Variants in SLC2A12 observed in about 807,000 individuals in gnomAD.
SLC2A12 encodes the protein solute carrier family 2, facilitated glucose transporter member 12.
A neutral mutation model predicts 41.8 loss-of-function variants in SLC2A12; 23 were observed. That is an observed-to-expected ratio of 0.55 (90% CI 0.40 to 0.78). The LOEUF (loss-of-function observed/expected upper bound fraction) is 0.78, where lower values mean the gene tolerates loss of function less well. Among genes scored for constraint, SLC2A12 ranks in the 30% least tolerant of loss-of-function variants. SLC2A12 has a pLI of 0.00. For synonymous variants in SLC2A12, 295 were observed against 285.9 expected (o/e 1.03, Z -0.32); for missense variants, 654 against 745.6 (o/e 0.88, Z 1.43).
rs936216812 is a variant in SLC2A12 at position 133,988,392 on chromosome 6, T to C, written c.*2763A>G. The C allele has an allele frequency of 3.3e-5, 5 of 152,138 alleles. No homozygotes were observed. Among genetic ancestry groups the C allele is most frequent in the Admixed American group, 3.3e-4 (5 of 15,268 alleles). The allele number at this position is 152,138 out of a possible 1,614,324, so 9.4% of individuals were successfully genotyped here. A position where few individuals can be genotyped will look rare whatever the true frequency, so the allele number is the denominator to read the frequency against. ...GATTATACCTAGAAATAAAGCTGAG[T>C]GGAGAGTCCAATTAGCTTCTCAGGA... On this transcript the variant is annotated 3_prime_UTR_variant, in exon 5 of 5. Transcript: ENST00000275230.
At chr6:134,001,967 T>C in intron 4 of SLC2A12, 30 bp downstream of exon 4, 4 of 1,596,540 alleles carry the variant, frequency 2.5e-6, no homozygotes, top group Non-Finnish European at 3.4e-6. Context: ...CAAAGAGTAT[T>C]GTTCAGAAAC....
At chr6:134,051,592 C>G (rs57089909) in intron 1 of SLC2A12, among the ~76,000 whole-genome samples, 13,361 of 152,192 alleles carry the variant, frequency 0.088, 1,234 homozygotes, top group African/African-American at 0.23. Context: ...ACTAAATGAG[C>G]AGGAAGAGGC....
intron 2 of SLC2A12, among the ~76,000 whole-genome samples, chr6:134,008,305 T>C (rs1776839202): frequency 6.6e-6 from 1 of 152,212 alleles, no homozygotes; most frequent in East Asian, 1.9e-4. Flanking sequence ...TTTGCTGCTT[T>C]AAAAGAAGAA....
chr6:134,017,940 A>C (rs1235951944), intron 2 of SLC2A12, among the ~76,000 whole-genome samples: 1 of 151,640 alleles, frequency 6.6e-6, no homozygotes, highest in African/African-American at 2.4e-5. Flanking sequence ...CCAAAGCTTC[A>C]TGATTCTCTG....
At chr6:134,030,424 T>C (rs560715386) in intron 1 of SLC2A12, among the ~76,000 whole-genome samples, 1 of 152,124 alleles carries the variant, frequency 6.6e-6, no homozygotes, top group East Asian at 1.9e-4. Context: ...TCATTCTGAG[T>C]AAGGAGAAAG....
chr6:133,990,904 T>C lies in SLC2A12; in HGVS notation c.*251A>G. On this transcript the variant is annotated 3_prime_UTR_variant, in exon 5 of 5. Transcript: ENST00000275230. Reference sequence around the variant, plus strand: ...AGGTAGAAAGTATTAAACCAGCCAGTAACTTTTTTTTTTTAACCTGATATC... The same window carrying C: ...AGGTAGAAAGTATTAAACCAGCCAGCAACTTTTTTTTTTTAACCTGATATC... 1 of 379,714 alleles carries C rather than the reference T, an allele frequency of 2.6e-6. No individual in the cohort carries two copies. The highest frequency in any genetic ancestry group is 4.7e-6 in the Non-Finnish European group (1 of 214,556). 23.5% of individuals were successfully genotyped at this position (379,714 alleles called of 1,614,324 possible).
chr6:134,021,391 A>G (rs941966423), intron 2 of SLC2A12, among the ~76,000 whole-genome samples: 11 of 152,244 alleles, frequency 7.2e-5, no homozygotes, highest in African/African-American at 2.7e-4. Context: ...AAGAAAAAAT[A>G]TGAGATGTTT....
intron 1 of SLC2A12, among the ~76,000 whole-genome samples, chr6:134,036,270 G>C (rs1311301057): frequency 2.0e-5 from 3 of 151,476 alleles, no homozygotes; most frequent in Non-Finnish European, 4.4e-5. Context: ...TTCATATTTT[G>C]TTCAAGAAAA....
At chr6:134,002,602 G>A (rs71576339) in intron 3 of SLC2A12, among the ~76,000 whole-genome samples, 4,545 of 152,112 alleles carry the variant, frequency 0.03, 78 homozygotes, top group Non-Finnish European at 0.045. Flanking sequence ...ATTCCCAATG[G>A]TGGACATTTT....
At chr6:134,049,054 TACTC>T (rs1437515647) in intron 1 of SLC2A12, among the ~76,000 whole-genome samples, 1 of 152,202 alleles carries the variant, frequency 6.6e-6, no homozygotes, top group African/African-American at 2.4e-5. Context: ...ACATCTTACA[TACTC>T]ACCACCTGCC....
intron 1 of SLC2A12, among the ~76,000 whole-genome samples, chr6:134,042,792 C>CT (rs1777400511): frequency 6.6e-6 from 1 of 152,014 alleles, no homozygotes; most frequent in Non-Finnish European, 1.5e-5. Context: ...TAGTAAGACT[C>CT]TGTCTCTATT....
intron 2 of SLC2A12, among the ~76,000 whole-genome samples, chr6:134,015,854 G>A (rs574934672): frequency 6.6e-6 from 1 of 152,270 alleles, no homozygotes; most frequent in South Asian, 2.1e-4. Context: ...AAGAGCCAGA[G>A]TTATTTGTTT....
chr6:134,036,048 T>G (rs1458051551), intron 1 of SLC2A12, among the ~76,000 whole-genome samples: 1 of 152,238 alleles, frequency 6.6e-6, no homozygotes, highest in East Asian at 1.9e-4. Context: ...GCCTGCTTTC[T>G]TCTTCTCTTT....
chr6:134,029,800 C>T, intron 1 of SLC2A12, 79 bp from the exon 2 acceptor site: 1 of 1,497,190 alleles, frequency 6.7e-7, no homozygotes, highest in Non-Finnish European at 8.9e-7. Flanking sequence ...GGAGATTTAA[C>T]CTTGTAGAAG....
chr6:134,032,426 TTATATATA>T (rs1210191475), intron 1 of SLC2A12, among the ~76,000 whole-genome samples: 32 of 35,438 alleles, frequency 9.0e-4, no homozygotes, highest in African/African-American at 3.5e-3. Context: ...ATATATATAT[TTATATATA>T]TATATATATA....
At chr6:134,042,617 A>C (rs1230499397) in intron 1 of SLC2A12, among the ~76,000 whole-genome samples, 2 of 151,582 alleles carry the variant, frequency 1.3e-5, no homozygotes, top group Non-Finnish European at 2.9e-5. Flanking sequence ...AAAGGGAGAG[A>C]CACCAAGAGC....
At chr6:134,044,896 T>G (rs1287672257) in intron 1 of SLC2A12, among the ~76,000 whole-genome samples, 1 of 152,190 alleles carries the variant, frequency 6.6e-6, no homozygotes, top group East Asian at 1.9e-4. Context: ...ATGAACTATG[T>G]GCCAGCACTG....
intron 3 of SLC2A12, 110 bp downstream of exon 3, chr6:134,006,702 C>T: frequency 7.1e-7 from 1 of 1,399,960 alleles, no homozygotes; most frequent in South Asian, 1.4e-5. Flanking sequence ...CGTTCTCCTT[C>T]TAAGTGTGTT....
chr6:134,028,522 C>T lies in SLC2A12; in HGVS notation c.1303G>A (p.Ala435Thr), dbSNP rs1332992120. 1.2e-6 allele frequency: 2 copies of T among 1,614,042 alleles called. No homozygotes were observed. The highest frequency in any genetic ancestry group is 1.3e-5 in the African/African-American group (1 of 74,902). The change falls in exon 2 of 5, where the codon GCA becomes ACA. Residue 435 changes from alanine (A) to threonine (T), a missense_variant. By Grantham distance (58) the Ala-to-Thr change is moderately conservative. Around this residue, in one of 3 missense-constraint regions of SLC2A12, gnomAD observed 411 missense variants for 412.1 expected, o/e 1.00. Coordinates refer to ENST00000275230, the MANE Select transcript of SLC2A12 (RefSeq NM_145176.3). ...DVDKRGETTSASLLNAGLSHT... is the reference protein window; with the variant it reads ...DVDKRGETTSTSLLNAGLSHT... ...CTTAATCCAGCATTTAGCAAGGATG[C>T]TGAGGTCGTCTCCCCTCTCTTATCC...
Sources: allele counts gnomAD v4.1 joint callset (sites outside exome capture counted in the v4.1 genomes callset), GRCh38; gene constraint gnomAD v4.1.1; regional missense constraint gnomAD v4.1.1; transcripts MANE v1.5; gene names NCBI Gene and HGNC (gene_info 2026-07-23, HGNC 2026-07-21).